KMO: variants seen among roughly 807,000 people sequenced by gnomAD.
KMO encodes kynurenine 3-monooxygenase, also known as kynurenine 3-hydroxylase.
KMO carries 24 observed loss-of-function variants against 57.8 expected under a neutral mutation model. The observed-to-expected ratio is 0.42, with a 90% CI of 0.30 to 0.58. KMO has a LOEUF of 0.58. KMO is among the 20% of genes least tolerant of loss of function. The probability of loss-of-function intolerance (pLI) is 0.22; values close to 1 mark genes in which losing one functional copy is unlikely to be tolerated. For missense variants in KMO, 483 were observed against 588.2 expected (o/e 0.82, Z 1.85); for synonymous variants, 210 against 193.6 (o/e 1.08, Z -0.70).
In KMO at chr1:241,590,042, AT is replaced by A. The variant is rs1663188394; in HGVS notation, c.1134del (p.Gln379ArgfsTer28). On this transcript the variant is annotated frameshift_variant, in exon 13 of 15. Coordinates refer to ENST00000366559, the MANE Select transcript of KMO (RefSeq NM_003679.5). LOFTEE classifies it high-confidence loss of function. Reference protein sequence around the residue: ...MRAHVNSSWFIFQKNMERFLH... With the variant: ...MRAHVNSSWFXFQKNMERFLH... ...AGCACATGTCAACTCAAGCTGGTTC[AT>A]TTTTCAGAAGAACATGGAGAGATTT... is the stretch of plus-strand genomic sequence containing the variant. 3 of 1,613,992 alleles carry A rather than the reference AT, an allele frequency of 1.9e-6. No individual in the cohort carries two copies. The highest frequency in any genetic ancestry group is 2.5e-6 in the Non-Finnish European group (3 of 1,179,912).
In KMO at chr1:241,592,179, C is replaced by T. The variant is rs762319626; in HGVS notation, c.*26C>T. On this transcript the variant is annotated 3_prime_UTR_variant, in exon 15 of 15. Transcript: ENST00000366559. ...TAGAAAGGTTTTGTGGTAGCAAATG[C>T]ATGATTTCTCTGTGACCAAAATTAA... The T allele has an allele frequency of 5.7e-6, 9 of 1,567,298 alleles. 1 individual carries two copies. In the South Asian group the frequency reaches 7.8e-5, roughly 14 times the overall value.
chr1:241,585,213 A>T (rs1662922669), intron 10 of KMO, among the ~76,000 whole-genome samples: 1 of 143,764 alleles, frequency 7.0e-6, no homozygotes, highest in Non-Finnish European at 1.5e-5. Flanking sequence ...TGGGTGACAG[A>T]CCGAGACTGC....
chr1:241,546,417 T>A (rs1164603064), intron 1 of KMO, among the ~76,000 whole-genome samples: 2 of 152,196 alleles, frequency 1.3e-5, no homozygotes, highest in African/African-American at 2.4e-5. Context: ...AATGACCTAT[T>A]ACACCATCAC....
chr1:241,567,851 C>T (rs1348575177), intron 9 of KMO, among the ~76,000 whole-genome samples: 1 of 152,140 alleles, frequency 6.6e-6, no homozygotes, highest in Non-Finnish European at 1.5e-5. Context: ...GCCTTTCCAG[C>T]CAGATTTAAG....
Position 241,571,261 on chromosome 1 carries a change from T to C in KMO, c.957+2614T>C, listed in dbSNP as rs537496401. On this transcript the variant is annotated intron_variant, in intron 10 of 14. Coordinates refer to ENST00000366559, the MANE Select transcript of KMO (RefSeq NM_003679.5). ...TTGACTTCTTCCTTTCCAATTTGGA[T>C]GTTCTTTATTTCTTTCTCTTGTCTA... 1.4e-4 allele frequency among the ~76,000 whole-genome samples: 22 copies of C among 152,226 alleles called. No individual in the cohort carries two copies. In the South Asian group the frequency reaches 4.6e-3, roughly 32 times the overall value.
At chr1:241,572,403 G>A (rs922122051) in intron 10 of KMO, among the ~76,000 whole-genome samples, 2 of 151,924 alleles carry the variant, frequency 1.3e-5, no homozygotes, top group Non-Finnish European at 2.9e-5. Flanking sequence ...GATCCTTTGA[G>A]TTTCTGTGGT....
intron 10 of KMO, among the ~76,000 whole-genome samples, chr1:241,577,728 AG>A (rs1258426627): frequency 6.6e-6 from 1 of 152,152 alleles, no homozygotes; most frequent in Non-Finnish European, 1.5e-5. Context: ...CTCAGGTTTC[AG>A]GCCAGTAGAG....
chr1:241,594,575 C>T lies in KMO; in HGVS notation c.*2422C>T. The T allele has an allele frequency of 1.2e-6, 2 of 1,614,138 alleles. No homozygotes were observed. Among genetic ancestry groups the T allele is most frequent in the Non-Finnish European group, 1.7e-6 (2 of 1,179,996 alleles). ...TTTTCTTTGGCCTGTCCCCATCTTT[C>T]TGTGACATCACAATGGGTCTGATCT... On this transcript the variant is annotated 3_prime_UTR_variant, in exon 15 of 15. Coordinates refer to ENST00000366559, the MANE Select transcript of KMO (RefSeq NM_003679.5).
At chr1:241,562,376 C>A in intron 7 of KMO, 44 bp downstream of exon 7, 1 of 1,595,806 alleles carries the variant, frequency 6.3e-7, no homozygotes, top group South Asian at 1.1e-5. Flanking sequence ...AACCCTTGCT[C>A]CATGAGCGCG....
At chr1:241,550,811 T>C in intron 3 of KMO, 144 bp from the exon 4 acceptor site, 3 of 517,126 alleles carry the variant, frequency 5.8e-6, no homozygotes, top group Non-Finnish European at 6.8e-6. Flanking sequence ...AAGGAGTTTC[T>C]ACCACGTTGG....
chr1:241,586,392 G>A (rs1415863337), intron 10 of KMO, among the ~76,000 whole-genome samples: 1 of 151,632 alleles, frequency 6.6e-6, no homozygotes, highest in African/African-American at 2.4e-5. Context: ...TAGATATGGG[G>A]TCTCATCATG....
chr1:241,539,923 G>A (rs193291476), intron 1 of KMO, among the ~76,000 whole-genome samples: 12 of 152,110 alleles, frequency 7.9e-5, no homozygotes, highest in African/African-American at 1.2e-4. Context: ...TGTCTATAAT[G>A]CTAAAGAATT....
intron 1 of KMO, 39 bp downstream of exon 1, chr1:241,532,537 T>C: frequency 1.4e-6 from 2 of 1,419,728 alleles, no homozygotes; most frequent in Non-Finnish European, 2.0e-6. Context: ...TTGGTGGTAT[T>C]ATATTAACTA....
intron 10 of KMO, among the ~76,000 whole-genome samples, chr1:241,583,249 T>A (rs1035309041): frequency 6.6e-6 from 1 of 152,144 alleles, no homozygotes; most frequent in Admixed American, 6.5e-5. Flanking sequence ...TACCTGAAGC[T>A]AACACAGTAC....
chr1:241,556,934 G>C (rs1661651274), intron 5 of KMO, among the ~76,000 whole-genome samples: 1 of 151,872 alleles, frequency 6.6e-6, no homozygotes, highest in African/African-American at 2.4e-5. Context: ...TTGTCTTTTA[G>C]AGAGATGAAA....
chr1:241,535,314 T>C (rs1660719572), intron 1 of KMO, among the ~76,000 whole-genome samples: 1 of 152,076 alleles, frequency 6.6e-6, no homozygotes, highest in South Asian at 2.1e-4. Flanking sequence ...CAGTACCTTA[T>C]ACTGTCTAAC....
chr1:241,563,659 A>G (rs968281714), intron 7 of KMO, among the ~76,000 whole-genome samples: 1 of 152,206 alleles, frequency 6.6e-6, no homozygotes, highest in Admixed American at 6.5e-5. Context: ...TGTGCTTGCT[A>G]AAGTAGATTT....
chr1:241,571,382 T>C (rs954680785), intron 10 of KMO, among the ~76,000 whole-genome samples: 4 of 152,138 alleles, frequency 2.6e-5, no homozygotes, highest in Non-Finnish European at 5.9e-5. Flanking sequence ...AGGAAAGATT[T>C]TCAGTTTTTC....
At chr1:241,575,528 A>T (rs542205724) in intron 10 of KMO, among the ~76,000 whole-genome samples, 2 of 152,150 alleles carry the variant, frequency 1.3e-5, no homozygotes, top group South Asian at 4.1e-4. Flanking sequence ...GTTAACCCCA[A>T]AATCATTCAA....
Sources: allele counts gnomAD v4.1 joint callset (sites outside exome capture counted in the v4.1 genomes callset), GRCh38; gene constraint gnomAD v4.1.1; transcripts MANE v1.5; gene names NCBI Gene and HGNC (gene_info 2026-07-23, HGNC 2026-07-21).